AARSD1: variants seen among roughly 807,000 people sequenced by gnomAD.
AARSD1 encodes alanyl-tRNA editing protein Aarsd1.
Under a neutral mutation model 48.7 loss-of-function variants are expected in AARSD1, and 44 were observed. The observed-to-expected ratio is 0.90, with a 90% CI of 0.71 to 1.16. The LOEUF is 1.16. Ranked by LOEUF, AARSD1 falls within the 50% of genes most tolerant of loss-of-function variation. The pLI is 0.00. For synonymous variants in AARSD1, 189 were observed against 194.9 expected (o/e 0.97, Z 0.25); for missense variants, 511 against 523.1 (o/e 0.98, Z 0.23).
Position 42,950,703 on chromosome 17 carries a change from C to T in AARSD1, c.1129G>A (p.Gly377Arg). The change falls in exon 12 of 12, where the codon GGA (glycine) becomes AGA (arginine). Residue 377 changes from glycine (G) to arginine (R), a missense_variant. Coordinates refer to ENST00000427569, the MANE Select transcript of AARSD1 (RefSeq NM_001261434.2). ...PRVAEVLEGK[G>R]AGKKGRFQGK... ...TGAAAACGGCCTTTCTTCCCTGCTC[C>T]TTTGCCTTCCAGGACCTCAGCCACC... 6.2e-7 allele frequency: 1 copy of T among 1,613,854 alleles called. No homozygotes were observed. Among genetic ancestry groups the T allele is most frequent in the Non-Finnish European group, 8.5e-7 (1 of 1,179,978 alleles).
chr17:42,955,065 C>G (rs2049528846), intron 8 of AARSD1, 93 bp downstream of exon 8: 1 of 1,611,718 alleles, frequency 6.2e-7, no homozygotes, highest in Non-Finnish European at 8.5e-7. Context: ...CCCACTTTGA[C>G]AAACTACACA....
At chr17:42,953,909 G>C (rs2049511957) in intron 9 of AARSD1, 131 bp from the exon 10 acceptor site, 1 of 1,169,976 alleles carries the variant, frequency 8.5e-7, no homozygotes, top group Non-Finnish European at 1.3e-6. Flanking sequence ...CCTTAGCCAA[G>C]AGAGAGTACT....
At chr17:42,960,605 C>T (rs910028364) in intron 3 of AARSD1, among the ~76,000 whole-genome samples, 19 of 151,330 alleles carry the variant, frequency 1.3e-4, no homozygotes, top group African/African-American at 4.1e-4. Context: ...GCCTATAATC[C>T]CAGCTACTCG....
chr17:42,957,330 T>G, intron 3 of AARSD1, 135 bp from the exon 4 acceptor site: 1 of 1,033,998 alleles, frequency 9.7e-7, no homozygotes. Context: ...GTAATACACT[T>G]TAGATACTTT....
chr17:42,955,331 G>C, intron 7 of AARSD1, 107 bp from the exon 8 acceptor site: 1 of 1,380,258 alleles, frequency 7.2e-7, no homozygotes, highest in Non-Finnish European at 9.9e-7. Flanking sequence ...CCTGCAGTCA[G>C]GGACCAGGAG....
chr17:42,952,766 G>A (rs1052160070), intron 10 of AARSD1, among the ~76,000 whole-genome samples: 2 of 151,570 alleles, frequency 1.3e-5, no homozygotes, highest in African/African-American at 4.8e-5. Context: ...GCCAGAGGAA[G>A]AGGAAAATGG....
chr17:42,958,922 G>T (rs1370839058), intron 3 of AARSD1, among the ~76,000 whole-genome samples: 1 of 150,586 alleles, frequency 6.6e-6, no homozygotes. Context: ...ATTTATGCCA[G>T]GTGCGGTGGC....
chr17:42,957,476 C>CGT (rs2049574478), intron 3 of AARSD1: 2 of 82,734 alleles, frequency 2.4e-5, no homozygotes, highest in African/African-American at 9.8e-5. Flanking sequence ...ACTTAACTTC[C>CGT]TTTTTTTTTT....
intron 9 of AARSD1, 100 bp from the exon 10 acceptor site, chr17:42,953,878 G>T: frequency 1.4e-6 from 2 of 1,473,792 alleles, no homozygotes; most frequent in Non-Finnish European, 1.9e-6. Flanking sequence ...TGCTGCCTAT[G>T]TACACATAAA....
chr17:42,957,454 G>T (rs1156489977), intron 3 of AARSD1: 11 of 313,844 alleles, frequency 3.5e-5, no homozygotes, highest in Non-Finnish European at 5.8e-5. Context: ...ACTTATAAGG[G>T]GCTGGACTTG....
chr17:42,958,293 A>C (rs2049585488), intron 3 of AARSD1, among the ~76,000 whole-genome samples: 1 of 152,114 alleles, frequency 6.6e-6, no homozygotes. Flanking sequence ...TGAGGTCAAG[A>C]GTTTGAGACC....
rs1370006778 is a variant in AARSD1 at position 42,954,846 on chromosome 17, C to T, written c.953+30G>A. The stretch of plus-strand genomic sequence containing the variant: ...GAGCCCTAAGCCCAACACAGTTCCC[C>T]TTCCTTGTGTCCAGCTCCTAATTTC... On this transcript the variant is annotated intron_variant, in intron 9 of 11. Transcript: ENST00000427569. 4 of 1,611,974 alleles carry T rather than the reference C, an allele frequency of 2.5e-6. No homozygotes were observed. In the South Asian group the frequency reaches 3.3e-5, roughly 13 times the overall value.
intron 3 of AARSD1, among the ~76,000 whole-genome samples, chr17:42,958,445 T>A (rs957789996): frequency 4.6e-5 from 7 of 151,478 alleles, no homozygotes; most frequent in Admixed American, 1.3e-4. Context: ...TGAGCCAAGA[T>A]TGCACCACGG....
In AARSD1 at chr17:42,963,607, G is replaced by A. The variant is rs547862555; in HGVS notation, c.171+499C>T. 4.0e-5 allele frequency among the ~76,000 whole-genome samples: 6 copies of A among 151,856 alleles called. No homozygotes were observed. The South Asian group carries it at 1.0e-3, about 26-fold the overall frequency. On this transcript the variant is annotated intron_variant, in intron 2 of 11. Transcript: ENST00000427569. ...GTCTATCTCACCTGAACTCCTTCAG[G>A]AACATCTTTTTCAGTCCCTAAAACC...
intron 7 of AARSD1, 172 bp from the exon 8 acceptor site, chr17:42,955,396 C>A: frequency 1.4e-6 from 1 of 710,402 alleles, no homozygotes. Context: ...AGGAATTAAC[C>A]ACTTTTCGTG....
intron 1 of AARSD1, 64 bp downstream of exon 1, chr17:42,964,338 C>T (rs570129624): frequency 5.7e-5 from 90 of 1,586,634 alleles, no homozygotes; most frequent in Non-Finnish European, 7.2e-5. Context: ...CTACACGTGG[C>T]GCCCTCTTCC....
chr17:42,964,428 A>G lies in AARSD1; in HGVS notation c.13T>C (p.Cys5Arg), dbSNP rs770752348. Residue 5 changes from cysteine (C) to arginine (R), a missense_variant, in exon 1 of 12, where the codon TGT (cysteine) becomes CGT (arginine). Physicochemically the swap from Cys to Arg is radical, Grantham distance 180. Transcript: ENST00000427569. ...TCTCGGGCATAACTGTCACGCTGAC[A>G]CCAGAACGCCATACCTGCAGGCGTG... MAFW[C>R]QRDSYAREFT... 1 of 1,550,834 alleles carries G rather than the reference A, an allele frequency of 6.4e-7. No individual in the cohort carries two copies. Among genetic ancestry groups the G allele is most frequent in the Non-Finnish European group, 8.7e-7 (1 of 1,147,038 alleles).
At chr17:42,955,001 G>A (rs775715869) in intron 8 of AARSD1, 34 bp from the exon 9 acceptor site, 1 of 1,613,808 alleles carries the variant, frequency 6.2e-7, no homozygotes, top group Admixed American at 1.7e-5. Flanking sequence ...TAGATAAATG[G>A]AAAGGATAAC....
chr17:42,964,426 A>T lies in AARSD1; in HGVS notation c.15T>A (p.Cys5Ter). ...CCTCTCGGGCATAACTGTCACGCTG[A>T]CACCAGAACGCCATACCTGCAGGCG... MAFW[C>*]QRDSYAREFT... Residue 5 changes from cysteine to a stop codon, truncating the protein, a stop_gained, in exon 1 of 12, where the codon TGT becomes TGA. Coordinates refer to ENST00000427569, the MANE Select transcript of AARSD1 (RefSeq NM_001261434.2). LOFTEE classifies it high-confidence loss of function. The T allele has an allele frequency of 6.4e-7, 1 of 1,550,896 alleles. No homozygotes were observed. Among genetic ancestry groups the T allele is most frequent in the Non-Finnish European group, 8.7e-7 (1 of 1,147,064 alleles).
Sources: gnomAD v4.1 joint callset for allele counts (sites outside exome capture counted in the v4.1 genomes callset) on GRCh38, gnomAD v4.1.1 for gene constraint, MANE v1.5 for transcripts, NCBI Gene and HGNC (gene_info 2026-07-23, HGNC 2026-07-21) for gene names.